Variants in CFAP47 observed in about 807,000 individuals in gnomAD.
CFAP47 encodes cilia and flagella associated protein 47.
CFAP47 carries 29 observed loss-of-function variants against 148.1 expected under a neutral mutation model. The ratio of observed to expected loss-of-function variants is 0.20; its 90% CI spans 0.15 to 0.27. The LOEUF (loss-of-function observed/expected upper bound fraction) is 0.27, where lower values mean the gene tolerates loss of function less well. CFAP47 is among the 10% of genes least tolerant of loss of function. CFAP47 has a pLI of 1.00. For synonymous variants in CFAP47, 664 were observed against 577.3 expected, an observed-to-expected ratio of 1.15 and a Z score of -2.15; for missense variants, 1,872 against 1,697.5, an observed-to-expected ratio of 1.10 and a Z score of -1.81.
intron 43 of CFAP47, among the ~76,000 whole-genome samples, chrX:36,200,913 A>G (rs1244976780): frequency 1.8e-5 from 2 of 111,007 alleles, no homozygotes; most frequent in Non-Finnish European, 3.8e-5. Context: ...AGCAAATGAC[A>G]GTTCTTGGGA....
chrX:35,962,965 GTGTGTGTA>G (rs1936353091), intron 8 of CFAP47, among the ~76,000 whole-genome samples: 1 of 107,488 alleles, frequency 9.3e-6, no homozygotes, highest in South Asian at 4.0e-4. Context: ...GTGTGTGTGT[GTGTGTGTA>G]TGTGTATGAA....
At chrX:36,260,091 GTGTA>G (rs1313586382) in intron 49 of CFAP47, among the ~76,000 whole-genome samples, 18 of 85,907 alleles carry the variant, frequency 2.1e-4, no homozygotes, top group African/African-American at 1.3e-3. Context: ...GTGTGTGTGT[GTGTA>G]TGTTTGTGTA....
chrX:35,947,287 T>A (rs73629580), intron 3 of CFAP47, among the ~76,000 whole-genome samples: 6,551 of 109,374 alleles, frequency 0.06, 538 homozygotes, highest in African/African-American at 0.21. Context: ...GCTGGGCTCA[T>A]CTGGGTGCTC....
At position 35,975,655 on chromosome X, in the gene CFAP47, C is replaced by T; in HGVS notation, c.2472-17C>T. 1 of 1,205,027 alleles carries T rather than the reference C, an allele frequency of 8.3e-7. No individual in the cohort carries two copies. The highest frequency in any genetic ancestry group is 1.1e-6 in the Non-Finnish European group (1 of 891,356). On this transcript the variant is annotated splice_polypyrimidine_tract_variant and intron_variant, in intron 14 of 63. Coordinates refer to ENST00000378653, the MANE Select transcript of CFAP47 (RefSeq NM_001304548.2). ...AACTATTATCAGTTAAATTTGGATG[C>T]TTTTGCTGCATTACAGGTCTTTCAC...
chrX:35,970,317 A>T (rs1385785564), intron 10 of CFAP47, among the ~76,000 whole-genome samples: 1 of 111,114 alleles, frequency 9.0e-6, no homozygotes, highest in African/African-American at 3.3e-5. Context: ...TAAGTTGTGA[A>T]GTTTAAAGGA....
At chrX:36,042,670 TAAATAATAAACTC>T (rs566736404) in intron 25 of CFAP47, among the ~76,000 whole-genome samples, 28 of 111,383 alleles carry the variant, frequency 2.5e-4, no homozygotes, top group African/African-American at 9.1e-4. Context: ...TTCAAATAAA[TAAATAATAAACTC>T]AAATAAATAC....
rs1937763608 is a variant in CFAP47 at position 36,071,983 on chromosome X, A to T, written c.4465+12A>T. 4.2e-6 allele frequency: 5 copies of T among 1,181,833 alleles called. No individual in the cohort carries two copies. The highest frequency in any genetic ancestry group is 5.7e-6 in the Non-Finnish European group (5 of 875,970). On this transcript the variant is annotated intron_variant, in intron 28 of 63. Transcript: ENST00000378653. ...AAACTTATTTATTGGTATGTAGCAA[A>T]TATATAGTGTACTTTCCAAAATTAG...
At position 36,071,634 on chromosome X, in the gene CFAP47, CT is replaced by C. The variant is rs1937753794; in HGVS notation, c.4319-186del. Among the ~76,000 whole-genome samples the C allele has an allele frequency of 3.6e-5, 4 of 111,809 alleles. No homozygotes were observed. In the South Asian group the frequency reaches 1.5e-3, roughly 41 times the overall value. On this transcript the variant is annotated intron_variant, in intron 27 of 63. Transcript: ENST00000378653. ...TTTAGAAAATTGTATCAACTTTTATCTTTTTCCTATTTGACATCTTATTTTA... is the reference window on the plus strand; with the variant it reads ...TTTAGAAAATTGTATCAACTTTTATCTTTTCCTATTTGACATCTTATTTTA...
At chrX:36,003,271 GA>G (rs1226890953) in intron 21 of CFAP47, among the ~76,000 whole-genome samples, 1 of 108,600 alleles carries the variant, frequency 9.2e-6, no homozygotes, top group African/African-American at 3.3e-5. Context: ...TTGCATTGTG[GA>G]ATAAATCTCA....
chrX:36,384,684 CT>C, intron 63 of CFAP47, 112 bp from the exon 64 acceptor site: 1 of 501,059 alleles, frequency 2.0e-6, no homozygotes, highest in Non-Finnish European at 3.3e-6. Flanking sequence ...AGTTTTGTAC[CT>C]TTTCCATACT....
intron 7 of CFAP47, among the ~76,000 whole-genome samples, chrX:35,954,282 T>TG (rs1406168632): frequency 1.8e-5 from 2 of 110,720 alleles, no homozygotes; most frequent in Non-Finnish European, 3.8e-5. Context: ...GAATGGGACT[T>TG]GGAGTTCAGC....
At chrX:36,190,605 A>T (rs965915914) in intron 42 of CFAP47, among the ~76,000 whole-genome samples, 19 of 112,350 alleles carry the variant, frequency 1.7e-4, no homozygotes, top group Non-Finnish European at 3.2e-4. Flanking sequence ...CCAGAGCTGG[A>T]TTCTCTTCAG....
In CFAP47 at chrX:36,236,080, A is replaced by T. The variant is rs1231927972; in HGVS notation, c.7158+3A>T. ...CTATTTTTGAATGTGTCATTACGGT[A>T]TGAACTCCTTGATATTTTCCCCAGT... is the stretch of plus-strand genomic sequence containing the variant. On this transcript the variant is annotated splice_donor_region_variant and intron_variant, in intron 47 of 63. Coordinates refer to ENST00000378653, the MANE Select transcript of CFAP47 (RefSeq NM_001304548.2). The T allele has an allele frequency of 4.2e-6, 2 of 471,510 alleles. No homozygotes were observed. The highest frequency in any genetic ancestry group is 4.8e-5 in the African/African-American group (2 of 41,286). The allele number at this position is 471,510 out of a possible 1,213,427, so 38.9% of individuals were successfully genotyped here. A position where few individuals can be genotyped will look rare whatever the true frequency, so the allele number is the denominator to read the frequency against.
intron 57 of CFAP47, among the ~76,000 whole-genome samples, chrX:36,346,571 A>C (rs1301397932): frequency 2.7e-5 from 3 of 111,778 alleles, no homozygotes; most frequent in Admixed American, 9.6e-5. Flanking sequence ...GGGGGCTCTA[A>C]GCAGAGACTT....
chrX:36,157,061 G>A (rs142408606), intron 37 of CFAP47, among the ~76,000 whole-genome samples: 2,009 of 108,962 alleles, frequency 0.018, 16 homozygotes, highest in Non-Finnish European at 0.029. Context: ...TTTACCAATC[G>A]TGTCATAAAC....
At chrX:36,137,163 G>A (rs1004258537) in intron 33 of CFAP47, among the ~76,000 whole-genome samples, 5 of 111,077 alleles carry the variant, frequency 4.5e-5, no homozygotes, top group Non-Finnish European at 9.5e-5. Flanking sequence ...CACAGAAAAT[G>A]GGAGTAGAGA....
At chrX:36,121,284 A>G (rs1273850043) in intron 33 of CFAP47, among the ~76,000 whole-genome samples, 10 of 110,786 alleles carry the variant, frequency 9.0e-5, no homozygotes, top group Admixed American at 1.9e-4. Context: ...TTCATCATCA[A>G]ATCATTGAGT....
chrX:36,103,737 G>T (rs1486346481), intron 32 of CFAP47, among the ~76,000 whole-genome samples: 1 of 110,055 alleles, frequency 9.1e-6, no homozygotes, highest in African/African-American at 3.3e-5. Context: ...GTACTTTAAT[G>T]TGAACCAATG....
At position 36,323,811 on chromosome X, in the gene CFAP47, G is replaced by A. The variant is rs189983250; in HGVS notation, c.8443+4504G>A. Among the ~76,000 whole-genome samples the A allele has an allele frequency of 1.5e-4, 17 of 111,572 alleles. No homozygotes were observed. The East Asian group carries it at 4.2e-3, about 28-fold the overall frequency. On this transcript the variant is annotated intron_variant, in intron 57 of 63. Transcript: ENST00000378653. ...AAATTAGATCTAGATGTAGTTATAT[G>A]TTGACCTAGATTGGAGCTCTAGCCA...
Sources: allele counts gnomAD v4.1 joint callset (sites outside exome capture counted in the v4.1 genomes callset), GRCh38; gene constraint gnomAD v4.1.1; transcripts MANE v1.5; gene names NCBI Gene and HGNC (gene_info 2026-07-23, HGNC 2026-07-21).